Variants in ANXA4 observed in about 807,000 individuals in gnomAD.
ANXA4 encodes annexin A4.
ANXA4 carries 39 observed loss-of-function variants against 49.8 expected under a neutral mutation model. The observed-to-expected ratio is 0.78, with a 90% CI of 0.61 to 1.02. The LOEUF (loss-of-function observed/expected upper bound fraction) is 1.02, where lower values mean the gene tolerates loss of function less well. Ranked by LOEUF, ANXA4 falls within the 50% of genes least tolerant of loss-of-function variation. The probability of loss-of-function intolerance (pLI) is 0.00; values close to 1 mark genes in which losing one functional copy is unlikely to be tolerated. For missense variants in ANXA4, 360 were observed against 410.1 expected, an observed-to-expected ratio of 0.88 and a Z score of 1.05; for synonymous variants, 134 against 152.5, an observed-to-expected ratio of 0.88 and a Z score of 0.89.
intron 2 of ANXA4, among the ~76,000 whole-genome samples, chr2:69,655,450 G>C (rs530100355): frequency 6.6e-6 from 1 of 152,286 alleles, no homozygotes; most frequent in South Asian, 2.1e-4. Flanking sequence ...CTGGTCATTA[G>C]AGAAATGTAA....
At chr2:69,780,996 A>G (rs1672174783) in intron 1 of ANXA4, among the ~76,000 whole-genome samples, 2 of 152,334 alleles carry the variant, frequency 1.3e-5, no homozygotes, top group South Asian at 4.1e-4. Flanking sequence ...CTTTAATCCT[A>G]GAATGGTGGC....
intron 1 of ANXA4, among the ~76,000 whole-genome samples, chr2:69,650,271 T>C (rs1370154534): frequency 6.6e-6 from 1 of 151,962 alleles, no homozygotes; most frequent in African/African-American, 2.4e-5. Context: ...TTGTTATAAA[T>C]GGAATAATTA....
chr2:69,785,590 TTTTG>T (rs1328941651), intron 2 of ANXA4, among the ~76,000 whole-genome samples: 2 of 129,390 alleles, frequency 1.5e-5, no homozygotes, highest in African/African-American at 3.0e-5. Context: ...GTTTCTGAGT[TTTTG>T]TTTTAGTGTT....
At chr2:69,736,978 T>A (rs760724731), upstream of ANXA4, among the ~76,000 whole-genome samples, 4 of 151,992 alleles carry the variant, frequency 2.6e-5, no homozygotes, top group Admixed American at 6.6e-5. Context: ...ATTTTTGTAT[T>A]TTTTAGTAGA....
At chr2:69,757,716 T>C (rs1230973255) in intron 1 of ANXA4, among the ~76,000 whole-genome samples, 1 of 151,634 alleles carries the variant, frequency 6.6e-6, no homozygotes, top group Non-Finnish European at 1.5e-5. Flanking sequence ...CCCAGCACTT[T>C]GGGAGGCCAA....
intron 2 of ANXA4, among the ~76,000 whole-genome samples, chr2:69,669,441 C>G (rs531739248): frequency 7.3e-5 from 11 of 151,518 alleles, no homozygotes; most frequent in African/African-American, 2.7e-4. Context: ...GAATCCTTGT[C>G]TCTACTAAAA....
At chr2:69,691,573 GCACACACACA>G (rs10590162) in intron 2 of ANXA4, among the ~76,000 whole-genome samples, 5 of 149,956 alleles carry the variant, frequency 3.3e-5, no homozygotes, top group South Asian at 2.1e-4. Context: ...ACACACACAT[GCACACACACA>G]CACACACACA....
At chr2:69,718,046 A>G (rs988666336) in intron 2 of ANXA4, among the ~76,000 whole-genome samples, 3 of 152,172 alleles carry the variant, frequency 2.0e-5, no homozygotes, top group African/African-American at 7.2e-5. Context: ...TGCATTTCAT[A>G]GCAGATGTTT....
chr2:69,801,262 A>T (rs1362380218), intron 3 of ANXA4, among the ~76,000 whole-genome samples: 1 of 152,128 alleles, frequency 6.6e-6, no homozygotes, highest in African/African-American at 2.4e-5. Context: ...TCCCTTGTGC[A>T]AGCTTTCAGT....
intron 2 of ANXA4, among the ~76,000 whole-genome samples, chr2:69,665,036 G>A (rs1342284958): frequency 6.6e-6 from 1 of 152,198 alleles, no homozygotes; most frequent in Non-Finnish European, 1.5e-5. Flanking sequence ...CTGGGAGGTG[G>A]AGGTTGCAAT....
upstream of ANXA4, among the ~76,000 whole-genome samples, chr2:69,739,563 G>A (rs1490957145): frequency 6.6e-6 from 1 of 151,282 alleles, no homozygotes; most frequent in Non-Finnish European, 1.5e-5. Context: ...GCGTCACTAG[G>A]CTTGGCTAAT....
intron 6 of ANXA4, 30 bp from the exon 7 acceptor site, chr2:69,810,564 C>A: frequency 6.3e-7 from 1 of 1,590,858 alleles, no homozygotes; most frequent in Non-Finnish European, 8.6e-7. Context: ...ACTCTTAATT[C>A]TGAAGTAGCT....
intron 1 of ANXA4, among the ~76,000 whole-genome samples, chr2:69,744,744 C>T (rs538834222): frequency 3.3e-5 from 5 of 152,102 alleles, no homozygotes; most frequent in East Asian, 3.9e-4. Context: ...CATTTGTGAA[C>T]GAAAGCTTAA....
intron 3 of ANXA4, chr2:69,803,472 A>G (rs1425767510): frequency 1.3e-5 from 2 of 152,276 alleles, no homozygotes; most frequent in Admixed American, 1.3e-4. Flanking sequence ...CCAATCTGAA[A>G]AATCAGAATA....
chr2:69,813,944 G>A (rs948858756), intron 8 of ANXA4, among the ~76,000 whole-genome samples: 27 of 151,508 alleles, frequency 1.8e-4, no homozygotes, highest in African/African-American at 6.6e-4. Flanking sequence ...TTTTAATAGA[G>A]ATAGGGTTTC....
Position 69,788,160 on chromosome 2 carries a change from G to T in ANXA4, c.97+19G>T, listed in dbSNP as rs759213320. 10 of 1,606,604 alleles carry T rather than the reference G, an allele frequency of 6.2e-6. No individual in the cohort carries two copies. The highest frequency in any genetic ancestry group is 8.5e-6 in the Non-Finnish European group (10 of 1,173,518). On this transcript the variant is annotated intron_variant, in intron 3 of 12. Transcript: ENST00000394295. ...GGGCTCGGTATGTGTCCTGCTGGAA[G>T]TGAATCCTCCTGCGTGCATTGCACA...
At chr2:69,651,378 TA>T (rs1228871250) in intron 1 of ANXA4, among the ~76,000 whole-genome samples, 1 of 152,178 alleles carries the variant, frequency 6.6e-6, no homozygotes, top group Non-Finnish European at 1.5e-5. Flanking sequence ...TTTGTTTTCT[TA>T]GAGATTTTCA....
chr2:69,734,653 A>C (rs1343100224), intron 3 of ANXA4, among the ~76,000 whole-genome samples: 1 of 151,222 alleles, frequency 6.6e-6, no homozygotes, highest in Non-Finnish European at 1.5e-5. Context: ...AGGAGCCAAA[A>C]AAATCCATGA....
At chr2:69,712,604 C>T (rs1205382274) in intron 2 of ANXA4, among the ~76,000 whole-genome samples, 3 of 152,118 alleles carry the variant, frequency 2.0e-5, no homozygotes, top group Non-Finnish European at 2.9e-5. Context: ...GGTTCTGGGC[C>T]TTTTAATATG....
Sources: gnomAD v4.1 joint callset for allele counts (sites outside exome capture counted in the v4.1 genomes callset) on GRCh38, gnomAD v4.1.1 for gene constraint, MANE v1.5 for transcripts, NCBI Gene and HGNC (gene_info 2026-07-23, HGNC 2026-07-21) for gene names.